The following DRGX variants were observed in gnomAD, a reference collection of about 807,000 sequenced individuals.
DRGX encodes the protein dorsal root ganglia homeobox protein.
In DRGX, 21 loss-of-function variants were observed where a neutral mutation model predicts 28.6. That is an observed-to-expected ratio of 0.73 (90% CI 0.52 to 1.06). The LOEUF (loss-of-function observed/expected upper bound fraction) is 1.06, where lower values mean the gene tolerates loss of function less well. DRGX is among the 50% of genes least tolerant of loss of function. The pLI is 0.00. For missense variants in DRGX, 354 were observed against 343.9 expected, an observed-to-expected ratio of 1.03 and a Z score of -0.23; for synonymous variants, 136 against 139.1, an observed-to-expected ratio of 0.98 and a Z score of 0.16.
chr10:49,374,567 C>T (rs1442203921), intron 6 of DRGX, among the ~76,000 whole-genome samples: 1 of 152,228 alleles, frequency 6.6e-6, no homozygotes, highest in African/African-American at 2.4e-5. Context: ...TTAAAACACA[C>T]AATTTGATTT....
intron 6 of DRGX, among the ~76,000 whole-genome samples, chr10:49,372,525 C>T (rs1441615729): frequency 1.3e-5 from 2 of 152,212 alleles, no homozygotes; most frequent in Non-Finnish European, 2.9e-5. Context: ...GCACCTGGTA[C>T]TTAATCCTCA....
At chr10:49,387,433 C>T (rs564556017) in intron 4 of DRGX, among the ~76,000 whole-genome samples, 2 of 152,032 alleles carry the variant, frequency 1.3e-5, no homozygotes, top group Non-Finnish European at 2.9e-5. Context: ...CCAAGGTGGG[C>T]GGATCACTTG....
intron 6 of DRGX, among the ~76,000 whole-genome samples, chr10:49,382,401 T>A (rs1293215854): frequency 2.0e-5 from 3 of 152,092 alleles, no homozygotes; most frequent in Non-Finnish European, 2.9e-5. Flanking sequence ...TAGCAGCCCC[T>A]AGGAAGCAGG....
chr10:49,382,069 C>T (rs749697231), intron 6 of DRGX, among the ~76,000 whole-genome samples: 4 of 152,054 alleles, frequency 2.6e-5, no homozygotes, highest in Non-Finnish European at 4.4e-5. Context: ...TCCAGCCCCT[C>T]CCCCAGTAGA....
intron 6 of DRGX, among the ~76,000 whole-genome samples, chr10:49,377,487 G>A (rs1849728707): frequency 1.3e-5 from 2 of 152,188 alleles, no homozygotes; most frequent in African/African-American, 2.4e-5. Context: ...CTGGCCCGGC[G>A]ATTGGCTTTA....
intron 6 of DRGX, among the ~76,000 whole-genome samples, chr10:49,385,426 C>G (rs1849821530): frequency 6.6e-6 from 1 of 152,156 alleles, no homozygotes; most frequent in Non-Finnish European, 1.5e-5. Context: ...CTCCCATGGG[C>G]ACCCTCCTCG....
chr10:49,390,084 T>C (rs1849884426), intron 4 of DRGX, 49 bp downstream of exon 4: 1 of 1,532,198 alleles, frequency 6.5e-7, no homozygotes, highest in South Asian at 1.2e-5. Flanking sequence ...CAAAAAAAAG[T>C]TTGCCAGTTT....
At chr10:49,394,290 CAA>C (rs917817884) in intron 2 of DRGX, among the ~76,000 whole-genome samples, 5 of 152,104 alleles carry the variant, frequency 3.3e-5, no homozygotes, top group African/African-American at 1.2e-4. Context: ...AAAACAAAAA[CAA>C]ACTTTCTGAG....
intron 6 of DRGX, among the ~76,000 whole-genome samples, chr10:49,385,891 C>G (rs1441475106): frequency 1.3e-5 from 2 of 152,088 alleles, no homozygotes; most frequent in Non-Finnish European, 2.9e-5. Context: ...ACTGGATAAG[C>G]CCATTCCAGT....
chr10:49,387,029 G>T (rs539294921), intron 4 of DRGX, among the ~76,000 whole-genome samples, 171 bp from the exon 5 acceptor site: 1 of 152,346 alleles, frequency 6.6e-6, no homozygotes, highest in Non-Finnish European at 1.5e-5. Context: ...CGCTTAAAAG[G>T]TTAGGACAGG....
chr10:49,391,345 C>T (rs966252581), intron 2 of DRGX, 84 bp from the exon 3 acceptor site: 26 of 1,036,984 alleles, frequency 2.5e-5, no homozygotes, highest in Non-Finnish European at 3.7e-5. Context: ...AGGGCACCCA[C>T]CTGACCCACC....
intron 6 of DRGX, among the ~76,000 whole-genome samples, chr10:49,382,411 G>GGT (rs1849786518): frequency 6.6e-6 from 1 of 152,166 alleles, no homozygotes. Flanking sequence ...TAGGAAGCAG[G>GGT]GTTCAGGCCT....
intron 4 of DRGX, among the ~76,000 whole-genome samples, chr10:49,387,663 A>AC (rs1491113366): frequency 1.1e-4 from 4 of 35,716 alleles, no homozygotes; most frequent in Non-Finnish European, 1.9e-4. Flanking sequence ...ACTCCATCAC[A>AC]AAAAAAAAAA....
At chr10:49,369,761 A>G (rs1232577853) in intron 6 of DRGX, among the ~76,000 whole-genome samples, 1 of 150,894 alleles carries the variant, frequency 6.6e-6, no homozygotes, top group African/African-American at 2.5e-5. Context: ...ACCATAATCA[A>G]AAAGAAAATA....
rs1849602686 is a variant in DRGX at position 49,366,451 on chromosome 10, A to G, written c.527-70T>C. 8.5e-6 allele frequency: 13 copies of G among 1,521,854 alleles called. No individual in the cohort carries two copies. The African/African-American group carries it at 1.2e-4, about 15-fold the overall frequency. 94.3% of individuals were successfully genotyped at this position (1,521,854 alleles called of 1,614,324 possible). On this transcript the variant is annotated intron_variant, in intron 6 of 6. Transcript: ENST00000374139. Reference sequence around the variant, plus strand: ...GCCTCTCAGGGCTGGGTGACAGGAAACGATCTGAGTTCTGAAGGACAGAAA... The same window carrying G: ...GCCTCTCAGGGCTGGGTGACAGGAAGCGATCTGAGTTCTGAAGGACAGAAA...
intron 6 of DRGX, among the ~76,000 whole-genome samples, chr10:49,383,373 T>G (rs941751796): frequency 1.8e-4 from 27 of 151,862 alleles, no homozygotes; most frequent in African/African-American, 5.8e-4. Context: ...CAGGCAGGAG[T>G]GGGCCATGGA....
Position 49,366,243 on chromosome 10 carries a change from T to G in DRGX, c.665A>C (p.Gln222Pro). The change falls in exon 7 of 7, where the codon CAG becomes CCG. Residue 222 changes from glutamine (Q) to proline (P), a missense_variant. Transcript: ENST00000374139. ...KAREHSEAVLQSANLLPSTSS... is the reference protein window; with the variant it reads ...KAREHSEAVLPSANLLPSTSS... Reference sequence around the variant, plus strand: ...GGTGGAAGGCAGGAGGTTGGCTGACTGCAGGACAGCTTCTGAGTGCTCGCG... The same window carrying G: ...GGTGGAAGGCAGGAGGTTGGCTGACGGCAGGACAGCTTCTGAGTGCTCGCG... 1 of 1,613,954 alleles carries G rather than the reference T, an allele frequency of 6.2e-7. No homozygotes were observed. Among genetic ancestry groups the G allele is most frequent in the Non-Finnish European group, 8.5e-7 (1 of 1,179,864 alleles).
At chr10:49,381,458 C>T (rs531872089) in intron 6 of DRGX, among the ~76,000 whole-genome samples, 70 of 152,374 alleles carry the variant, frequency 4.6e-4, no homozygotes, top group African/African-American at 1.6e-3. Flanking sequence ...TTCTCATGCA[C>T]GTGCTGCCCC....
chr10:49,371,254 CAT>C (rs754531991), intron 6 of DRGX, among the ~76,000 whole-genome samples: 10 of 152,180 alleles, frequency 6.6e-5, no homozygotes, highest in Non-Finnish European at 1.5e-4. Flanking sequence ...CTTGAAATAA[CAT>C]GATGGAGCTT....
Sources: gnomAD v4.1 joint callset for allele counts (sites outside exome capture counted in the v4.1 genomes callset) on GRCh38, gnomAD v4.1.1 for gene constraint, MANE v1.5 for transcripts, NCBI Gene and HGNC (gene_info 2026-07-23, HGNC 2026-07-21) for gene names.